ZDHHC24: variants seen among roughly 807,000 people sequenced by gnomAD.
ZDHHC24 encodes probable palmitoyltransferase ZDHHC24.
In ZDHHC24, 17 loss-of-function variants were observed where a neutral mutation model predicts 23.2. The observed-to-expected ratio is 0.73, with a 90% confidence interval of 0.50 to 1.10. ZDHHC24 has a LOEUF of 1.10. Ranked by LOEUF, ZDHHC24 falls within the 50% of genes least tolerant of loss-of-function variation. The probability of loss-of-function intolerance (pLI) is 0.00; values close to 1 mark genes in which losing one functional copy is unlikely to be tolerated. For missense variants in ZDHHC24, 366 were observed against 393.0 expected, an observed-to-expected ratio of 0.93 and a Z score of 0.58; for synonymous variants, 186 against 194.5, an observed-to-expected ratio of 0.96 and a Z score of 0.36.
At position 66,523,206 on chromosome 11, in the gene ZDHHC24, G is replaced by A. The variant is rs553418635; in HGVS notation, c.*22-1740C>T. The A allele has an allele frequency of 6.4e-6, 4 of 625,092 alleles. No individual in the cohort carries two copies. In the Admixed American group the frequency reaches 8.5e-5, roughly 13 times the overall value. 38.7% of individuals were successfully genotyped at this position (625,092 alleles called of 1,614,324 possible). A position where few individuals can be genotyped will look rare whatever the true frequency, so the allele number is the denominator to read the frequency against. On this transcript the variant is annotated intron_variant, in intron 4 of 4. Transcript: ENST00000526986. ...CAAGCCACCATAGTGAAGGTGGGCGGAAGACAAGACACCATAGTGAAGGTG... is the reference window on the plus strand; with the variant it reads ...CAAGCCACCATAGTGAAGGTGGGCGAAAGACAAGACACCATAGTGAAGGTG...
chr11:66,543,585 A>G (rs1367548570), intron 2 of ZDHHC24, 119 bp downstream of exon 2: 1 of 1,321,204 alleles, frequency 7.6e-7, no homozygotes, highest in Admixed American at 2.9e-5. Flanking sequence ...ACTGGCCATC[A>G]CTGACACTGG....
downstream of ZDHHC24, among the ~76,000 whole-genome samples, chr11:66,531,365 G>A (rs1565290829): frequency 1.3e-5 from 2 of 152,190 alleles, no homozygotes; most frequent in East Asian, 1.9e-4. Context: ...TTTTCCCCCA[G>A]GGCCCAGGTC....
downstream of ZDHHC24, chr11:66,530,905 T>C (rs373894194): frequency 1.9e-5 from 30 of 1,614,058 alleles, no homozygotes; most frequent in East Asian, 6.7e-5. Context: ...TTCAGGGCCT[T>C]GGCCCCACCT....
At chr11:66,521,526 CAG>C in intron 4 of ZDHHC24, 2 of 709,430 alleles carry the variant, frequency 2.8e-6, no homozygotes, top group South Asian at 1.5e-5. Flanking sequence ...CCCACAAACA[CAG>C]GGGAGGATAC....
chr11:66,545,715 C>A lies in ZDHHC24; in HGVS notation c.281+8G>T. On this transcript the variant is annotated splice_region_variant and intron_variant, in intron 1 of 2. Transcript: ENST00000310442. This position sits in a 1 kb window ranked among gnomAD's most constrained non-coding sequence, Gnocchi z 4.5. The stretch of plus-strand genomic sequence containing the variant: ...ACTTCTCCCCGCCCGATCCCGCACC[C>A]CACTCACGCCCAGCCCTGGCCCAGA... 6.5e-7 allele frequency: 1 copy of A among 1,536,988 alleles called. No homozygotes were observed.
Position 66,537,634 on chromosome 11 carries a change from G to A in ZDHHC24, c.*1895C>T, listed in dbSNP as rs1387673203. 7.1e-6 allele frequency: 1 copy of A among 141,674 alleles called. No individual in the cohort carries two copies. The highest frequency in any genetic ancestry group is 1.5e-5 in the Non-Finnish European group (1 of 64,750). 8.8% of individuals were successfully genotyped at this position (141,674 alleles called of 1,614,324 possible). A position where few individuals can be genotyped will look rare whatever the true frequency, so the allele number is the denominator to read the frequency against. ...GCAGATCACGAGGTCAGTAGATCAA[G>A]ACCATCCTGGCCGGCCAGGAGTGGT... On this transcript the variant is annotated 3_prime_UTR_variant, in exon 3 of 3. Transcript: ENST00000310442.
intron 1 of ZDHHC24, among the ~76,000 whole-genome samples, chr11:66,544,259 G>T (rs528326389): frequency 5.3e-4 from 80 of 152,060 alleles, no homozygotes; most frequent in African/African-American, 1.6e-3. Flanking sequence ...CTTCCTCCAC[G>T]GTCACCCCTT....
downstream of ZDHHC24, chr11:66,520,988 G>C (rs1205337456): frequency 2.2e-6 from 1 of 449,962 alleles, no homozygotes; most frequent in East Asian, 4.6e-5. Flanking sequence ...CAAAGTGTTG[G>C]GATTACAGGT....
intron 4 of ZDHHC24, among the ~76,000 whole-genome samples, chr11:66,525,322 G>A (rs1856441187): frequency 6.6e-6 from 1 of 152,234 alleles, no homozygotes; most frequent in Admixed American, 6.5e-5. Context: ...TCGCGCCACT[G>A]CACTCCAGCC....
At position 66,539,309 on chromosome 11, in the gene ZDHHC24, C is replaced by T; in HGVS notation, c.*220G>A. 2 of 1,258,072 alleles carry T rather than the reference C, an allele frequency of 1.6e-6. No individual in the cohort carries two copies. The highest frequency in any genetic ancestry group is 2.0e-6 in the Non-Finnish European group (2 of 1,004,300). The allele number at this position is 1,258,072 out of a possible 1,614,324, so 77.9% of individuals were successfully genotyped here. On this transcript the variant is annotated 3_prime_UTR_variant, in exon 3 of 3. Coordinates refer to ENST00000310442, the MANE Select transcript of ZDHHC24 (RefSeq NM_207340.3). Reference sequence around the variant, plus strand: ...ACCTGGCAAAGGGGCAGCTAGGCGGCCTGAGCAGCCCCTGCCAGACCCTCC... The same window carrying T: ...ACCTGGCAAAGGGGCAGCTAGGCGGTCTGAGCAGCCCCTGCCAGACCCTCC...
Position 66,543,922 on chromosome 11 carries a change from C to A in ZDHHC24, c.341G>T (p.Arg114Leu). The change falls in exon 2 of 3, where the codon CGC becomes CTC. Residue 114 changes from arginine to leucine, a missense_variant. By Grantham distance (102) the Arg-to-Leu change is moderately radical. Transcript: ENST00000310442. Reference sequence around the variant, plus strand: ...GTGGTCCCGACGCAGGATGCAGACGCGGCAGGCAGAGCAGTGTCCGCTGCG... The same window carrying A: ...GTGGTCCCGACGCAGGATGCAGACGAGGCAGGCAGAGCAGTGTCCGCTGCG... ...PPRSGHCSACRVCILRRDHHC... is the reference protein window; with the variant it reads ...PPRSGHCSACLVCILRRDHHC... 6.2e-7 allele frequency: 1 copy of A among 1,613,988 alleles called. No homozygotes were observed. The highest frequency in any genetic ancestry group is 1.1e-5 in the South Asian group (1 of 91,044).
chr11:66,539,165 G>A lies in ZDHHC24; in HGVS notation c.*364C>T. 1.0e-6 allele frequency: 1 copy of A among 959,690 alleles called. No homozygotes were observed. Among genetic ancestry groups the A allele is most frequent in the Non-Finnish European group, 1.3e-6 (1 of 799,372 alleles). 59.4% of individuals were successfully genotyped at this position (959,690 alleles called of 1,614,324 possible). Reference sequence around the variant, plus strand: ...AGAGCCCCAGCCCCTGAGACCCTCAGGCATCCTGCAGTTTCCAGGCCCTAC... The same window carrying A: ...AGAGCCCCAGCCCCTGAGACCCTCAAGCATCCTGCAGTTTCCAGGCCCTAC... On this transcript the variant is annotated 3_prime_UTR_variant, in exon 3 of 3. Coordinates refer to ENST00000310442, the MANE Select transcript of ZDHHC24 (RefSeq NM_207340.3).
At chr11:66,524,916 A>G (rs534014928) in intron 4 of ZDHHC24, among the ~76,000 whole-genome samples, 1 of 152,010 alleles carries the variant, frequency 6.6e-6, no homozygotes, top group South Asian at 2.1e-4. Context: ...TTAGCCGGGT[A>G]TGGGCCGGGC....
rs750108791 is a variant in ZDHHC24 at position 66,521,296 on chromosome 11, C to T, written c.*192G>A. The T allele has an allele frequency of 8.7e-6, 14 of 1,614,226 alleles. No individual in the cohort carries two copies. The Admixed American group carries it at 1.7e-4, about 19-fold the overall frequency. On this transcript the variant is annotated 3_prime_UTR_variant, in exon 5 of 5. Coordinates refer to the ZDHHC24 transcript ENST00000526986. ...TGAGCCTTCCCAGCGTCCCCGTCTT[C>T]CTAGAGGTTTCTGGCCAGTTTGATG...
At chr11:66,529,500 A>G in intron 2 of ZDHHC24, 1 of 727,574 alleles carries the variant, frequency 1.4e-6, no homozygotes, top group Non-Finnish European at 2.5e-6. Context: ...TGGGGGAAGA[A>G]GATGGAGGAT....
Position 66,521,620 on chromosome 11 carries a change from G to T in ZDHHC24, c.*22-154C>A. On this transcript the variant is annotated intron_variant, in intron 4 of 4. Transcript: ENST00000526986. ...GTACAGGAGTGATCAGAAATGAGAGGACAGGCTGGGCGCTGTGGCTCACGC... is the reference window on the plus strand; with the variant it reads ...GTACAGGAGTGATCAGAAATGAGAGTACAGGCTGGGCGCTGTGGCTCACGC... The T allele has an allele frequency of 3.9e-6, 2 of 508,474 alleles. 1 individual carries two copies. Among genetic ancestry groups the T allele is most frequent in the South Asian group, 4.1e-5 (2 of 49,050 alleles). The allele number at this position is 508,474 out of a possible 1,614,324, so 31.5% of individuals were successfully genotyped here.
intron 2 of ZDHHC24, chr11:66,529,505 G>C (rs1371947275): frequency 2.8e-6 from 2 of 725,620 alleles, no homozygotes; most frequent in Admixed American, 4.0e-5. Context: ...GAAGAAGATG[G>C]AGGATGAGAA....
At position 66,539,677 on chromosome 11, in the gene ZDHHC24, G is replaced by A. The variant is rs763252524; in HGVS notation, c.707C>T (p.Ser236Phe). ...TTWEWARGQH[S>F]YDLGPCHNLQ... ...GTTGTGGCAGGGACCCAGGTCATAG[G>A]AGTGCTGGCCCCGAGCCCACTCCCA... Residue 236 changes from serine to phenylalanine, a missense_variant, in exon 3 of 3, where the codon TCC becomes TTC. Ser to Phe is a radical substitution (Grantham distance 155, BLOSUM62 -2). Coordinates refer to ENST00000310442, the MANE Select transcript of ZDHHC24 (RefSeq NM_207340.3). 4.3e-6 allele frequency: 7 copies of A among 1,611,168 alleles called. No individual in the cohort carries two copies. The Admixed American group carries it at 1.0e-4, about 23-fold the overall frequency.
At chr11:66,529,762 G>T in intron 2 of ZDHHC24, 1 of 1,601,788 alleles carries the variant, frequency 6.2e-7, no homozygotes. Context: ...CCCCGTTGCT[G>T]CCTCCTCCCT....
Sources: gnomAD v4.1 joint callset for allele counts (sites outside exome capture counted in the v4.1 genomes callset) on GRCh38, gnomAD v4.1.1 for gene constraint, Gnocchi (gnomAD v3.1) non-coding constraint, MANE v1.5 for transcripts, NCBI Gene and HGNC (gene_info 2026-07-23, HGNC 2026-07-21) for gene names.